Variants in DLGAP2 observed in about 807,000 individuals in gnomAD.
DLGAP2 encodes disks large-associated protein 2.
A neutral mutation model predicts 100.3 loss-of-function variants in DLGAP2; 26 were observed. The ratio of observed to expected loss-of-function variants is 0.26; its 90% CI spans 0.19 to 0.36. DLGAP2 has a LOEUF of 0.36. DLGAP2 is among the 10% of genes least tolerant of loss of function. The pLI, the probability that DLGAP2 is intolerant of heterozygous loss-of-function variation, is 1.00. For synonymous variants in DLGAP2, 886 were observed against 630.1 expected, an observed-to-expected ratio of 1.41 and a Z score of -6.08; for missense variants, 1,858 against 1,453.2, an observed-to-expected ratio of 1.28 and a Z score of -4.53.
chr8:1,018,942 A>C (rs1241250924), intron 2 of DLGAP2: 1 of 152,136 alleles, frequency 6.6e-6, no homozygotes, highest in Non-Finnish European at 1.5e-5. Flanking sequence ...AGCCTTCACC[A>C]TGTGGGTTTA....
chr8:1,591,424 C>T (rs189083911), intron 6 of DLGAP2, among the ~76,000 whole-genome samples: 10 of 152,260 alleles, frequency 6.6e-5, no homozygotes, highest in East Asian at 1.9e-4. Context: ...TAAGACTGGA[C>T]GTTGGACTGG....
chr8:1,253,675 G>A (rs770604798), intron 2 of DLGAP2, among the ~76,000 whole-genome samples: 119 of 152,262 alleles, frequency 7.8e-4, no homozygotes, highest in Admixed American at 5.3e-3. Flanking sequence ...TCAGGTTCAC[G>A]TACACAAAAC....
chr8:1,615,410 G>T (rs1426297696), intron 6 of DLGAP2, among the ~76,000 whole-genome samples: 1 of 152,158 alleles, frequency 6.6e-6, no homozygotes, highest in Non-Finnish European at 1.5e-5. Flanking sequence ...GGCTGAAGTT[G>T]TAGCAACATG....
At chr8:905,129 C>T (rs1035428502) in intron 1 of DLGAP2, among the ~76,000 whole-genome samples, 3 of 152,156 alleles carry the variant, frequency 2.0e-5, no homozygotes, top group Non-Finnish European at 4.4e-5. Context: ...GGATTCTACC[C>T]TGGAAGGTTG....
chr8:826,655 G>A (rs553223191), intron 1 of DLGAP2, among the ~76,000 whole-genome samples: 2 of 152,044 alleles, frequency 1.3e-5, no homozygotes, highest in South Asian at 2.1e-4. Flanking sequence ...CTGGTGTCTC[G>A]AGGGTCCCGC....
chr8:1,233,051 G>C (rs1482349816), intron 2 of DLGAP2, among the ~76,000 whole-genome samples: 3 of 152,170 alleles, frequency 2.0e-5, no homozygotes, highest in African/African-American at 7.2e-5. Flanking sequence ...TTTGTGCCTG[G>C]TTTCTTCCAC....
At chr8:855,775 G>A (rs78085954) in intron 1 of DLGAP2, among the ~76,000 whole-genome samples, 16,748 of 152,214 alleles carry the variant, frequency 0.11, 1,381 homozygotes, top group Admixed American at 0.27. Flanking sequence ...TGTAATCATC[G>A]CATCAGCAGG....
At chr8:1,165,101 C>T (rs1374531539) in intron 2 of DLGAP2, among the ~76,000 whole-genome samples, 1 of 150,188 alleles carries the variant, frequency 6.7e-6, no homozygotes, top group Non-Finnish European at 1.5e-5. Context: ...CCTTCCCTCT[C>T]AGGCCCTGCA....
At chr8:804,414 GA>G (rs1400357668) in intron 1 of DLGAP2, among the ~76,000 whole-genome samples, 3 of 152,190 alleles carry the variant, frequency 2.0e-5, no homozygotes, top group Non-Finnish European at 2.9e-5. Context: ...GGCGGTGGTG[GA>G]AACCGCTACT....
At chr8:1,462,614 G>T (rs1362840167) in intron 3 of DLGAP2, among the ~76,000 whole-genome samples, 1 of 152,186 alleles carries the variant, frequency 6.6e-6, no homozygotes, top group Non-Finnish European at 1.5e-5. Flanking sequence ...TGGGTGGATG[G>T]GAATTAGTTC....
At chr8:868,725 C>T (rs1325354426) in intron 1 of DLGAP2, among the ~76,000 whole-genome samples, 1 of 152,204 alleles carries the variant, frequency 6.6e-6, no homozygotes, top group East Asian at 1.9e-4. Context: ...GCAGCCCTGT[C>T]TGTCACCTTG....
chr8:1,343,074 A>G lies in DLGAP2; in HGVS notation c.106+84191A>G, dbSNP rs574357655. Reference sequence around the variant, plus strand: ...GTTCATATTTTCACAAACCGGAGACACAAACACTGGCCAGTCCTTAGTAGA... The same window carrying G: ...GTTCATATTTTCACAAACCGGAGACGCAAACACTGGCCAGTCCTTAGTAGA... On this transcript the variant is annotated intron_variant, in intron 3 of 14. Transcript: ENST00000637795. Among the ~76,000 whole-genome samples, 20 of 152,358 alleles carry G rather than the reference A, an allele frequency of 1.3e-4. No homozygotes were observed. In the East Asian group the frequency reaches 3.7e-3, roughly 28 times the overall value.
rs548215910 is a variant in DLGAP2, at chr8:880,809, G to A, written c.19-27103G>A. Among the ~76,000 whole-genome samples the A allele has an allele frequency of 1.5e-4, 23 of 152,330 alleles. No individual in the cohort carries two copies. The East Asian group carries it at 2.5e-3, about 17-fold the overall frequency. On this transcript the variant is annotated intron_variant, in intron 1 of 14. Transcript: ENST00000637795. The stretch of plus-strand genomic sequence containing the variant: ...CCACTTGCCACTGTAACTCCTGCTC[G>A]TTCATGGACTCAACGCAGATGTAAT...
chr8:1,429,628 G>A (rs1428248407), intron 3 of DLGAP2, among the ~76,000 whole-genome samples: 3 of 151,916 alleles, frequency 2.0e-5, no homozygotes, highest in African/African-American at 7.3e-5. Context: ...ACTGAGAGGA[G>A]GGGAGAAATA....
chr8:1,153,376 C>T (rs757943232), intron 2 of DLGAP2, among the ~76,000 whole-genome samples: 10 of 152,174 alleles, frequency 6.6e-5, no homozygotes, highest in Non-Finnish European at 1.2e-4. Context: ...CTTCTAAACA[C>T]GCCTCTTTCT....
chr8:1,543,733 A>C (rs140185374), intron 4 of DLGAP2, among the ~76,000 whole-genome samples: 1 of 152,328 alleles, frequency 6.6e-6, no homozygotes, highest in East Asian at 1.9e-4. Flanking sequence ...AGGTTTTGAC[A>C]GGAATTTCAG....
chr8:1,227,614 A>G (rs1798449367), intron 2 of DLGAP2, among the ~76,000 whole-genome samples: 1 of 151,972 alleles, frequency 6.6e-6, no homozygotes, highest in Admixed American at 6.6e-5. Context: ...AAGCATTGCC[A>G]TCTGTGACAA....
At chr8:1,451,823 T>C (rs1798167782) in intron 3 of DLGAP2, among the ~76,000 whole-genome samples, 1 of 152,202 alleles carries the variant, frequency 6.6e-6, no homozygotes, top group African/African-American at 2.4e-5. Flanking sequence ...ACTAGGTAGC[T>C]GGCCCACATT....
chr8:782,400 T>C (rs1821717162), intron 1 of DLGAP2, among the ~76,000 whole-genome samples: 1 of 152,174 alleles, frequency 6.6e-6, no homozygotes, highest in Non-Finnish European at 1.5e-5. Flanking sequence ...TATTAATACA[T>C]ACTCTCTCAC....
Sources: allele counts gnomAD v4.1 joint callset (sites outside exome capture counted in the v4.1 genomes callset), GRCh38; gene constraint gnomAD v4.1.1; transcripts MANE v1.5; gene names NCBI Gene and HGNC (gene_info 2026-07-23, HGNC 2026-07-21).